The following PDE10A variants were observed in gnomAD, a reference collection of about 807,000 sequenced individuals.
PDE10A encodes phosphodiesterase 10A, also known as cAMP and cAMP-inhibited cGMP 3',5'-cyclic phosphodiesterase 10A.
In PDE10A, 39 loss-of-function variants were observed where a neutral mutation model predicts 97.7. The observed-to-expected ratio is 0.40, with a 90% confidence interval of 0.31 to 0.52. The LOEUF (loss-of-function observed/expected upper bound fraction) is 0.52, where lower values mean the gene tolerates loss of function less well. Among genes scored for constraint, PDE10A ranks in the 20% least tolerant of loss-of-function variants. The probability of loss-of-function intolerance (pLI) is 0.56; values close to 1 mark genes in which losing one functional copy is unlikely to be tolerated. For synonymous variants in PDE10A, 371 were observed against 376.8 expected (o/e 0.98, Z 0.18); for missense variants, 731 against 1,047.8 (o/e 0.70, Z 4.17).
rs564210017 is a variant in PDE10A, at chr6:165,648,693, G to A, written c.865+13254C>T. The stretch of plus-strand genomic sequence containing the variant: ...ACAAAGAAAATTCAAAAATCATACA[G>A]GAAAAAAATGGACAGATTTCCTAAC... On this transcript the variant is annotated intron_variant, in intron 1 of 21. Coordinates refer to ENST00000539869, the MANE Select transcript of PDE10A (RefSeq NM_001385079.1). Among the ~76,000 whole-genome samples, 5 of 152,118 alleles carry A rather than the reference G, an allele frequency of 3.3e-5. No homozygotes were observed. The South Asian group carries it at 6.2e-4, about 19-fold the overall frequency.
At chr6:165,554,580 C>T (rs920384495) in intron 1 of PDE10A, among the ~76,000 whole-genome samples, 1 of 152,094 alleles carries the variant, frequency 6.6e-6, no homozygotes, top group Non-Finnish European at 1.5e-5. Flanking sequence ...TAAATTAGTA[C>T]AACCCCTATG....
At chr6:165,642,565 G>A (rs866797634) in intron 1 of PDE10A, among the ~76,000 whole-genome samples, 70 of 152,286 alleles carry the variant, frequency 4.6e-4, no homozygotes, top group African/African-American at 1.6e-3. Flanking sequence ...ACAGTGGTAC[G>A]GACTGGTTGG....
chr6:165,328,455 A>G lies in PDE10A; in HGVS notation c.*4570T>C, dbSNP rs773838870. The G allele has an allele frequency of 1.3e-5, 2 of 152,248 alleles. No homozygotes were observed. Among genetic ancestry groups the G allele is most frequent in the Non-Finnish European group, 2.9e-5 (2 of 68,052 alleles). 9.4% of individuals were successfully genotyped at this position (152,248 alleles called of 1,614,324 possible). ...AATATGTAAACTGACTTCCCTACTT[A>G]GTAAGCCCTGGATTCAGCTGTAAGT... On this transcript the variant is annotated 3_prime_UTR_variant, in exon 22 of 22. Transcript: ENST00000539869.
At position 165,982,598 on chromosome 6, in the gene PDE10A, C is replaced by T. The variant is rs547684384; in HGVS notation, c.-615+4931G>A. Among the ~76,000 whole-genome samples, 43 of 152,042 alleles carry T rather than the reference C, an allele frequency of 2.8e-4. 1 individual carries two copies. The South Asian group carries it at 5.0e-3, about 18-fold the overall frequency. The stretch of plus-strand genomic sequence containing the variant: ...AAAAATACAGTCAGTATTACTTCTT[C>T]GGTGTATAGTAACTAATAAGATATC... On this transcript the variant is annotated intron_variant, in intron 1 of 19. Coordinates refer to the PDE10A transcript ENST00000366882.
chr6:165,396,195 C>A, intron 14 of PDE10A, 122 bp downstream of exon 14: 2 of 849,228 alleles, frequency 2.4e-6, no homozygotes, highest in Middle Eastern at 2.5e-4. Context: ...AATGGCAACA[C>A]ATGAAACTCC....
At chr6:165,709,760 GCAAC>G (rs978884323) in intron 1 of PDE10A, among the ~76,000 whole-genome samples, 1 of 139,900 alleles carries the variant, frequency 7.1e-6, no homozygotes, top group Non-Finnish European at 1.5e-5. Flanking sequence ...TCTGCGAGCC[GCAAC>G]CATGGCTCTT....
chr6:165,839,619 T>C (rs1429900131), intron 1 of PDE10A, among the ~76,000 whole-genome samples: 1 of 152,054 alleles, frequency 6.6e-6, no homozygotes, highest in African/African-American at 2.4e-5. Flanking sequence ...TCAAGGGCTC[T>C]CTCTATTTCT....
intron 1 of PDE10A, among the ~76,000 whole-genome samples, chr6:165,872,160 T>C (rs1303478820): frequency 6.6e-6 from 1 of 152,242 alleles, no homozygotes; most frequent in Admixed American, 6.5e-5. Flanking sequence ...TCTGTTGGTG[T>C]CATTTTCCTC....
chr6:165,481,528 C>T (rs1779606982), intron 3 of PDE10A, among the ~76,000 whole-genome samples: 1 of 152,098 alleles, frequency 6.6e-6, no homozygotes, highest in Admixed American at 6.5e-5. Flanking sequence ...TTATGTCTTA[C>T]AATAAAAACT....
chr6:165,458,066 C>G (rs1392933139), intron 3 of PDE10A, among the ~76,000 whole-genome samples: 1 of 152,106 alleles, frequency 6.6e-6, no homozygotes, highest in Admixed American at 6.6e-5. Context: ...AAAGGAGCTC[C>G]TCAGTTTCTA....
At chr6:165,728,043 C>A (rs1021336081) in intron 1 of PDE10A, among the ~76,000 whole-genome samples, 1 of 152,014 alleles carries the variant, frequency 6.6e-6, no homozygotes, top group Non-Finnish European at 1.5e-5. Flanking sequence ...TCCAACAGTC[C>A]GAGCAATAGC....
chr6:165,506,058 T>C (rs1385866307), intron 2 of PDE10A, among the ~76,000 whole-genome samples: 2 of 152,308 alleles, frequency 1.3e-5, no homozygotes, highest in East Asian at 1.9e-4. Context: ...ACAGTATTCC[T>C]GTCGGGAAAA....
rs1790339149 is a variant in PDE10A at position 165,662,578 on chromosome 6, A to G, written c.234T>C (p.Ala78=). 6.9e-6 allele frequency: 1 copy of G among 145,036 alleles called. No homozygotes were observed. The highest frequency in any genetic ancestry group is 1.5e-5 in the Non-Finnish European group (1 of 65,764). The allele number at this position is 145,036 out of a possible 1,614,324, so 9.0% of individuals were successfully genotyped here. Residue 78 remains alanine, a synonymous_variant, in exon 1 of 22, where the codon GCT becomes GCC. Transcript: ENST00000539869. ...PLSSAGRPSP[A]GGPGALSARG... ...GCGCAGAGAGGGCGCCGGGGCCCCC[A>G]GCGGGGCTGGGGCGGCCTGCGGAGG...
intron 1 of PDE10A, among the ~76,000 whole-genome samples, chr6:165,826,260 C>T (rs1211739207): frequency 2.0e-5 from 3 of 152,092 alleles, no homozygotes; most frequent in Non-Finnish European, 4.4e-5. Flanking sequence ...AGGATGGCCA[C>T]GATGGCCCTC....
intron 1 of PDE10A, among the ~76,000 whole-genome samples, chr6:165,932,651 T>C (rs917520822): frequency 6.6e-6 from 1 of 152,140 alleles, no homozygotes; most frequent in Admixed American, 6.5e-5. Context: ...TTTGTATTTT[T>C]AGTAGAGACG....
intron 1 of PDE10A, among the ~76,000 whole-genome samples, chr6:165,622,305 CGT>C (rs144014578): frequency 6.6e-6 from 1 of 151,748 alleles, no homozygotes; most frequent in East Asian, 1.9e-4. Context: ...TATGTGCATG[CGT>C]GTGTGTCACT....
Position 165,759,557 on chromosome 6 carries a change from T to A in PDE10A, c.-614-215989A>T, listed in dbSNP as rs76361154. Among the ~76,000 whole-genome samples, 164 of 152,328 alleles carry A rather than the reference T, an allele frequency of 1.1e-3. 3 individuals carry two copies. The East Asian group carries it at 0.03, about 28-fold the overall frequency. ...GTTTGTCTCTCTCTACACTGAACTATGGCTCCAAGGCACAAGTCCACTCTC... is the reference window on the plus strand; with the variant it reads ...GTTTGTCTCTCTCTACACTGAACTAAGGCTCCAAGGCACAAGTCCACTCTC... On this transcript the variant is annotated intron_variant, in intron 1 of 19. Transcript: ENST00000366882.
chr6:165,499,921 T>C (rs1201595774), intron 2 of PDE10A, among the ~76,000 whole-genome samples: 1 of 152,058 alleles, frequency 6.6e-6, no homozygotes. Context: ...CACAGCAAAC[T>C]AAAATTTAAG....
chr6:165,386,648 C>T (rs1298992184), intron 17 of PDE10A, among the ~76,000 whole-genome samples: 2 of 152,118 alleles, frequency 1.3e-5, no homozygotes. Context: ...GCATGTTTTA[C>T]ATATATGTGT....
Sources: gnomAD v4.1 joint callset for allele counts (sites outside exome capture counted in the v4.1 genomes callset) on GRCh38, gnomAD v4.1.1 for gene constraint, MANE v1.5 for transcripts, NCBI Gene and HGNC (gene_info 2026-07-23, HGNC 2026-07-21) for gene names.